TXNDC11: variants seen among roughly 807,000 people sequenced by gnomAD.
The protein encoded by TXNDC11 is thioredoxin domain-containing protein 11.
TXNDC11 carries 68 observed loss-of-function variants against 78.0 expected under a neutral mutation model. The observed-to-expected ratio is 0.87, with a 90% CI of 0.72 to 1.07. The LOEUF (loss-of-function observed/expected upper bound fraction) is 1.07, where lower values mean the gene tolerates loss of function less well. TXNDC11 is among the 50% of genes least tolerant of loss of function. TXNDC11 has a pLI of 0.00. For synonymous variants in TXNDC11, 571 were observed against 495.2 expected, an observed-to-expected ratio of 1.15 and a Z score of -2.03; for missense variants, 1,389 against 1,221.8, an observed-to-expected ratio of 1.14 and a Z score of -2.04.
At chr16:11,713,039 G>A (rs570541591) in intron 5 of TXNDC11, among the ~76,000 whole-genome samples, 5 of 151,198 alleles carry the variant, frequency 3.3e-5, no homozygotes, top group Admixed American at 2.0e-4. Flanking sequence ...CCCAGGAGGC[G>A]GAGGTTGCGG....
intron 1 of TXNDC11, 78 bp downstream of exon 1, chr16:11,742,399 G>C: frequency 1.7e-5 from 21 of 1,202,622 alleles, no homozygotes; most frequent in Non-Finnish European, 2.3e-5. Context: ...TGAGGCCGCT[G>C]CGACCCGGCC....
At position 11,679,354 on chromosome 16, in the gene TXNDC11, C is replaced by T; in HGVS notation, c.2718G>A (p.Glu906=). Residue 906 remains glutamate (E), a synonymous_variant, in exon 12 of 12, where the codon GAG becomes GAA. Transcript: ENST00000283033. The surrounding 1 kb of genome is among the most constrained non-coding windows in gnomAD (Gnocchi z 4.6). ...ILVATMERKL[E]GRDGAESLAA... is the part of the protein sequence containing the mutation. The stretch of plus-strand genomic sequence containing the variant: ...CCAGGCTTTCAGCTCCATCCCTGCC[C>T]TCCAGTTTCCTCTCCATGGTCGCCA... 1 of 1,611,854 alleles carries T rather than the reference C, an allele frequency of 6.2e-7. No homozygotes were observed. The highest frequency in any genetic ancestry group is 8.5e-7 in the Non-Finnish European group (1 of 1,179,168).
Position 11,698,227 on chromosome 16 carries a change from T to G in TXNDC11, c.1005A>C (p.Gly335=). 6.2e-7 allele frequency: 1 copy of G among 1,614,244 alleles called. No individual in the cohort carries two copies. The highest frequency in any genetic ancestry group is 2.2e-5 in the East Asian group (1 of 44,884). Reference sequence around the variant, plus strand: ...CGTTATTCAGCAGGAGACTCTTGCCTCCGTGTGGCCGCAGCCACCGAAAGA... The same window carrying G: ...CGTTATTCAGCAGGAGACTCTTGCCGCCGTGTGGCCGCAGCCACCGAAAGA... ...ETLFRWLRPH[G]GKSLLLNNEL... The change falls in exon 7 of 12, where the codon GGA becomes GGC. Residue 335 remains glycine (G), a synonymous_variant. Transcript: ENST00000283033.
At chr16:11,696,235 C>T (rs1163790193) in intron 7 of TXNDC11, among the ~76,000 whole-genome samples, 1 of 152,108 alleles carries the variant, frequency 6.6e-6, no homozygotes, top group Non-Finnish European at 1.5e-5. Flanking sequence ...GGTCCTCCTT[C>T]CCGTAAGTTT....
chr16:11,691,482 T>C lies in TXNDC11; in HGVS notation c.1708A>G (p.Thr570Ala), dbSNP rs920628840. 9.3e-6 allele frequency: 15 copies of C among 1,614,198 alleles called. No individual in the cohort carries two copies. The highest frequency in any genetic ancestry group is 1.3e-5 in the Non-Finnish European group (15 of 1,180,018). Residue 570 changes from threonine (T) to alanine (A), a missense_variant, in exon 8 of 12, where the codon ACA becomes GCA. Physicochemically the swap from Thr to Ala is moderately conservative, Grantham distance 58. Coordinates refer to ENST00000283033, the MANE Select transcript of TXNDC11 (RefSeq NM_015914.7). ...TTGTTGGTTCTGCAGCTCAGGCCTG[T>C]GAAGTTTGTGCTAGTCATGTCCACT... ...PEVDMTSTNF[T>A]GLSCRTNKTL...
chr16:11,711,115 G>C (rs910670701), intron 5 of TXNDC11, among the ~76,000 whole-genome samples: 1 of 151,990 alleles, frequency 6.6e-6, no homozygotes, highest in Admixed American at 6.6e-5. Flanking sequence ...ACATTAGGCA[G>C]GGAAAAACAT....
chr16:11,719,646 C>T (rs963782037), intron 5 of TXNDC11, among the ~76,000 whole-genome samples: 28 of 152,178 alleles, frequency 1.8e-4, no homozygotes, highest in African/African-American at 6.5e-4. Flanking sequence ...AATGTGATCA[C>T]TTGCTTGGCA....
At chr16:11,738,149 G>A (rs1235017132) in intron 1 of TXNDC11, among the ~76,000 whole-genome samples, 1 of 152,198 alleles carries the variant, frequency 6.6e-6, no homozygotes. Context: ...TAACTTGGAT[G>A]AGTCTCAAAA....
Position 11,687,894 on chromosome 16 carries a change from C to T in TXNDC11, c.2116G>A (p.Ala706Thr), listed in dbSNP as rs1469368036. 6.2e-7 allele frequency: 1 copy of T among 1,613,824 alleles called. No individual in the cohort carries two copies. The highest frequency in any genetic ancestry group is 1.1e-5 in the South Asian group (1 of 91,060). ...PSLNHIFIQLARNLPMDTFTV... is the reference protein window; with the variant it reads ...PSLNHIFIQLTRNLPMDTFTV... ...AATGTGTCCATGGGCAGGTTCCGAG[C>T]TAGCTGGATGAAGATGTGATTGAGG... Residue 706 changes from alanine (A) to threonine (T), a missense_variant, in exon 10 of 12, where the codon GCT becomes ACT. By Grantham distance (58) the Ala-to-Thr change is moderately conservative. Transcript: ENST00000283033.
chr16:11,726,113 C>A (rs1243021942), intron 4 of TXNDC11, among the ~76,000 whole-genome samples: 1 of 152,076 alleles, frequency 6.6e-6, no homozygotes, highest in African/African-American at 2.4e-5. Context: ...TTCCTGGCTT[C>A]CAGCAATCCT....
In TXNDC11 at chr16:11,742,834, ACCC is replaced by A; in HGVS notation, c.-107_-105del. The A allele has an allele frequency of 5.2e-6, 7 of 1,347,884 alleles. No individual in the cohort carries two copies. Among genetic ancestry groups the A allele is most frequent in the Non-Finnish European group, 6.6e-6 (7 of 1,054,258 alleles). The allele number at this position is 1,347,884 out of a possible 1,614,324, so 83.5% of individuals were successfully genotyped here. ...ATCCCGCAGCTCGCCGCACCCGCTAACCCGGACGCTCCACGTCAGCCGCGCCGC... is the reference window on the plus strand; with the variant it reads ...ATCCCGCAGCTCGCCGCACCCGCTAAGGACGCTCCACGTCAGCCGCGCCGC... On this transcript the variant is annotated 5_prime_UTR_variant, in exon 1 of 12. Transcript: ENST00000283033.
At chr16:11,739,132 C>A (rs2052319658) in intron 1 of TXNDC11, among the ~76,000 whole-genome samples, 1 of 152,160 alleles carries the variant, frequency 6.6e-6, no homozygotes, top group Non-Finnish European at 1.5e-5. Flanking sequence ...TAATTTTGCT[C>A]TGCATATTCA....
chr16:11,731,050 T>C (rs1443464956), intron 3 of TXNDC11, among the ~76,000 whole-genome samples: 1 of 152,116 alleles, frequency 6.6e-6, no homozygotes, highest in Non-Finnish European at 1.5e-5. Context: ...ACATTTACTC[T>C]TATCTCTGAA....
intron 4 of TXNDC11, among the ~76,000 whole-genome samples, chr16:11,723,278 GAAAA>G (rs112887609): frequency 0.039 from 5,567 of 143,576 alleles, 362 homozygotes; most frequent in African/African-American, 0.13. Flanking sequence ...AGAAAAAAAA[GAAAA>G]AAAAAAAGAA....
At chr16:11,723,951 C>T (rs1215609283) in intron 4 of TXNDC11, among the ~76,000 whole-genome samples, 1 of 152,086 alleles carries the variant, frequency 6.6e-6, no homozygotes, top group South Asian at 2.1e-4. Context: ...AATAATAATA[C>T]TGTTAGCATT....
intron 3 of TXNDC11, 131 bp downstream of exon 3, chr16:11,733,850 AT>A: frequency 1.5e-6 from 1 of 647,232 alleles, no homozygotes; most frequent in Admixed American, 3.3e-5. Context: ...TTCTTTTTTA[AT>A]TTTTGCTTAT....
At chr16:11,681,777 A>C (rs1325263591) in intron 11 of TXNDC11, among the ~76,000 whole-genome samples, 2 of 152,216 alleles carry the variant, frequency 1.3e-5, no homozygotes, top group Non-Finnish European at 2.9e-5. Flanking sequence ...CGGTGGAGCA[A>C]GTGGCTCCAA....
At chr16:11,683,315 C>T (rs150256258) in intron 11 of TXNDC11, among the ~76,000 whole-genome samples, 1 of 152,142 alleles carries the variant, frequency 6.6e-6, no homozygotes, top group African/African-American at 2.4e-5. Context: ...AAAAATCAAG[C>T]GACCATCCCA....
At chr16:11,740,078 A>G (rs1489768540) in intron 1 of TXNDC11, among the ~76,000 whole-genome samples, 1 of 151,408 alleles carries the variant, frequency 6.6e-6, no homozygotes, top group Non-Finnish European at 1.5e-5. Flanking sequence ...CTGTAATCCC[A>G]GCTACTCAGG....
Sources: allele counts gnomAD v4.1 joint callset (sites outside exome capture counted in the v4.1 genomes callset), GRCh38; gene constraint gnomAD v4.1.1; non-coding constraint Gnocchi (gnomAD v3.1); transcripts MANE v1.5; gene names NCBI Gene and HGNC (gene_info 2026-07-23, HGNC 2026-07-21).